Variants in ST8SIA6 observed in about 807,000 individuals in gnomAD.
ST8SIA6 encodes the protein ST8 alpha-N-acetyl-neuraminide alpha-2,8-sialyltransferase 6.
Under a neutral mutation model 33.6 loss-of-function variants are expected in ST8SIA6, and 39 were observed. The ratio of observed to expected loss-of-function variants is 1.16; its 90% CI spans 0.90 to 1.52. ST8SIA6 has a LOEUF of 1.52. Ranked by LOEUF, ST8SIA6 falls within the 40% of genes most tolerant of loss-of-function variation. ST8SIA6 has a pLI of 0.00. For synonymous variants in ST8SIA6, 172 were observed against 167.2 expected, an observed-to-expected ratio of 1.03 and a Z score of -0.22; for missense variants, 441 against 443.8, an observed-to-expected ratio of 0.99 and a Z score of 0.06.
chr10:17,347,952 T>TGAAAAA (rs1848895508), intron 4 of ST8SIA6, among the ~76,000 whole-genome samples: 1 of 37,974 alleles, frequency 2.6e-5, no homozygotes, highest in Non-Finnish European at 4.5e-5. Context: ...AGACTCTGTC[T>TGAAAAA]CAAAAAAAAA....
At chr10:17,339,191 G>A (rs17436666) in intron 4 of ST8SIA6, among the ~76,000 whole-genome samples, 2,035 of 151,704 alleles carry the variant, frequency 0.013, 24 homozygotes, top group Non-Finnish European at 0.022. Flanking sequence ...TCAAGTCTCA[G>A]GTCAAAATTC....
At chr10:17,321,671 C>A (rs189676534) in intron 7 of ST8SIA6, among the ~76,000 whole-genome samples, 230 of 152,236 alleles carry the variant, frequency 1.5e-3, no homozygotes, top group Middle Eastern at 3.4e-3. Flanking sequence ...GTTATTGAAA[C>A]ACCTTCCAAA....
In ST8SIA6 at chr10:17,365,590, G is replaced by C. The variant is rs1309200609; in HGVS notation, c.291-5990C>G. Among the ~76,000 whole-genome samples the C allele has an allele frequency of 2.0e-5, 3 of 152,292 alleles. No homozygotes were observed. In the East Asian group the frequency reaches 5.8e-4, roughly 29 times the overall value. On this transcript the variant is annotated intron_variant, in intron 3 of 7. Coordinates refer to ENST00000377602, the MANE Select transcript of ST8SIA6 (RefSeq NM_001004470.3). ...TCCATTCAGCAGATCCACCCTGTCTGTGCCACCTGCCTGCTGACTTAGTTA... is the reference window on the plus strand; with the variant it reads ...TCCATTCAGCAGATCCACCCTGTCTCTGCCACCTGCCTGCTGACTTAGTTA...
chr10:17,343,228 T>G (rs1442371566), intron 4 of ST8SIA6, among the ~76,000 whole-genome samples: 2 of 151,972 alleles, frequency 1.3e-5, no homozygotes, highest in Non-Finnish European at 2.9e-5. Flanking sequence ...GTAACAAAGG[T>G]GAACAACGGT....
At chr10:17,322,975 T>A in intron 7 of ST8SIA6, 90 bp downstream of exon 7, 1 of 1,179,668 alleles carries the variant, frequency 8.5e-7, no homozygotes, top group Non-Finnish European at 1.2e-6. Context: ...TGCAAGTCAG[T>A]CTCAGCAACA....
At chr10:17,361,697 AG>A (rs1387346913) in intron 3 of ST8SIA6, among the ~76,000 whole-genome samples, 1 of 148,972 alleles carries the variant, frequency 6.7e-6, no homozygotes, top group Non-Finnish European at 1.5e-5. Context: ...TACAAAAATA[AG>A]GAAAAGACAT....
chr10:17,436,609 G>A (rs991789338), intron 2 of ST8SIA6, among the ~76,000 whole-genome samples: 30 of 146,936 alleles, frequency 2.0e-4, no homozygotes, highest in African/African-American at 7.6e-4. Context: ...ACCTATGAGT[G>A]AGAACATGCA....
intron 3 of ST8SIA6, among the ~76,000 whole-genome samples, chr10:17,364,077 C>CTGAGTACA (rs2308294): frequency 1.3e-5 from 2 of 151,736 alleles, no homozygotes; most frequent in Non-Finnish European, 2.9e-5. Context: ...GCAAATGCTC[C>CTGAGTACA]TGATACTTTT....
intron 6 of ST8SIA6, among the ~76,000 whole-genome samples, chr10:17,325,356 TATAAATACTACTGG>T (rs1848096745): frequency 6.8e-6 from 1 of 147,436 alleles, no homozygotes; most frequent in African/African-American, 2.5e-5. Flanking sequence ...ATATGTAATA[TATAAATACTACTGG>T]ATTATATGTA....
At chr10:17,336,974 G>C (rs1159195672) in intron 4 of ST8SIA6, among the ~76,000 whole-genome samples, 1 of 152,114 alleles carries the variant, frequency 6.6e-6, no homozygotes, top group African/African-American at 2.4e-5. Flanking sequence ...ATATGACATG[G>C]TTTGGGTCTG....
chr10:17,348,109 T>G (rs1848907535), intron 4 of ST8SIA6, among the ~76,000 whole-genome samples: 1 of 152,022 alleles, frequency 6.6e-6, no homozygotes, highest in Non-Finnish European at 1.5e-5. Flanking sequence ...GTCACTGCTA[T>G]TATTGTTCAA....
At chr10:17,446,059 T>C (rs953440842) in intron 2 of ST8SIA6, among the ~76,000 whole-genome samples, 2 of 152,144 alleles carry the variant, frequency 1.3e-5, no homozygotes, top group African/African-American at 4.8e-5. Context: ...ACTCAAACTT[T>C]AAACATTCAG....
At chr10:17,357,063 G>C (rs551772417) in intron 4 of ST8SIA6, among the ~76,000 whole-genome samples, 34 of 152,188 alleles carry the variant, frequency 2.2e-4, no homozygotes, top group Admixed American at 1.5e-3. Context: ...TGCTCCTATC[G>C]GGCATCTAAG....
At chr10:17,373,431 A>G (rs1434614544) in intron 3 of ST8SIA6, among the ~76,000 whole-genome samples, 1 of 152,178 alleles carries the variant, frequency 6.6e-6, no homozygotes, top group Non-Finnish European at 1.5e-5. Context: ...GTTTGACTTT[A>G]CCATGTAATA....
intron 2 of ST8SIA6, among the ~76,000 whole-genome samples, chr10:17,426,114 G>A (rs1233311401): frequency 6.6e-6 from 1 of 152,140 alleles, no homozygotes; most frequent in South Asian, 2.1e-4. Flanking sequence ...CCACCCTGCT[G>A]ATACTACAAA....
At chr10:17,404,411 G>A (rs573709541) in intron 2 of ST8SIA6, among the ~76,000 whole-genome samples, 69 of 151,994 alleles carry the variant, frequency 4.5e-4, no homozygotes, top group Non-Finnish European at 8.5e-4. Flanking sequence ...CCATTGTATC[G>A]AATTCTGAGT....
intron 3 of ST8SIA6, among the ~76,000 whole-genome samples, chr10:17,368,530 G>A (rs1410587890): frequency 6.6e-6 from 1 of 150,522 alleles, no homozygotes; most frequent in Non-Finnish European, 1.5e-5. Context: ...GTACTTCAAT[G>A]TACTAAGTAA....
chr10:17,322,974 G>T lies in ST8SIA6; in HGVS notation c.728+91C>A, dbSNP rs555208923. 2.1e-5 allele frequency: 25 copies of T among 1,169,544 alleles called. No homozygotes were observed. The East Asian group carries it at 5.1e-4, about 24-fold the overall frequency. The allele number at this position is 1,169,544 out of a possible 1,614,324, so 72.4% of individuals were successfully genotyped here. ...CTCATTCCACCTGTACTGCAAGTCAGTCTCAGCAACAAGATTAGTGCTTAA... is the reference window on the plus strand; with the variant it reads ...CTCATTCCACCTGTACTGCAAGTCATTCTCAGCAACAAGATTAGTGCTTAA... On this transcript the variant is annotated intron_variant, in intron 7 of 7. Transcript: ENST00000377602.
At chr10:17,433,648 C>T (rs1256233562) in intron 2 of ST8SIA6, among the ~76,000 whole-genome samples, 2 of 152,032 alleles carry the variant, frequency 1.3e-5, no homozygotes, top group Non-Finnish European at 2.9e-5. Flanking sequence ...GGGATGCAGC[C>T]CTCTCAGCAC....
Sources: allele counts gnomAD v4.1 joint callset (sites outside exome capture counted in the v4.1 genomes callset), GRCh38; gene constraint gnomAD v4.1.1; transcripts MANE v1.5; gene names NCBI Gene and HGNC (gene_info 2026-07-23, HGNC 2026-07-21).